PRKCH: variants seen among roughly 807,000 people sequenced by gnomAD.
The protein encoded by PRKCH is protein kinase C eta type.
In PRKCH, 28 loss-of-function variants were observed where a neutral mutation model predicts 82.5. The observed-to-expected ratio is 0.34, with a 90% CI of 0.25 to 0.47. The LOEUF (loss-of-function observed/expected upper bound fraction) is 0.47, where lower values mean the gene tolerates loss of function less well. Among genes scored for constraint, PRKCH ranks in the 20% least tolerant of loss-of-function variants. The pLI is 1.00. For synonymous variants in PRKCH, 322 were observed against 327.4 expected (o/e 0.98, Z 0.18); for missense variants, 705 against 881.8 (o/e 0.80, Z 2.54).
chr14:61,195,803 G>A (rs1455758977), intron 1 of PRKCH, among the ~76,000 whole-genome samples: 2 of 152,242 alleles, frequency 1.3e-5, no homozygotes, highest in Admixed American at 6.5e-5. Context: ...AGGAGAGAGA[G>A]AGAGCAAACT....
intron 1 of PRKCH, among the ~76,000 whole-genome samples, chr14:61,262,048 C>T (rs1043701517): frequency 2.0e-5 from 3 of 151,690 alleles, no homozygotes; most frequent in Non-Finnish European, 4.4e-5. Context: ...GGTGAAACCC[C>T]ATCTCTACTA....
intron 10 of PRKCH, among the ~76,000 whole-genome samples, chr14:61,518,294 T>G (rs2042854747): frequency 6.6e-6 from 1 of 152,094 alleles, no homozygotes; most frequent in Admixed American, 6.5e-5. Context: ...CTGAGCATTT[T>G]GGCAAGGAGA....
intron 2 of PRKCH, among the ~76,000 whole-genome samples, chr14:61,427,223 G>A (rs4902056): frequency 0.57 from 86,195 of 151,780 alleles, 26,360 homozygotes; most frequent in Non-Finnish European, 0.69. Context: ...CTTATTGGCA[G>A]TTAGTTGAAA....
At chr14:61,244,061 G>A (rs139668475) in intron 1 of PRKCH, among the ~76,000 whole-genome samples, 6 of 152,274 alleles carry the variant, frequency 3.9e-5, no homozygotes, top group East Asian at 1.9e-4. Context: ...TTGGGGCAAC[G>A]GAGCATGCTG....
intron 2 of PRKCH, among the ~76,000 whole-genome samples, chr14:61,412,165 A>G (rs181789168): frequency 6.6e-6 from 1 of 152,252 alleles, no homozygotes; most frequent in Admixed American, 6.5e-5. Flanking sequence ...TACCAGATGT[A>G]CAAAGAAGCA....
At chr14:61,244,140 G>A (rs1466563374) in intron 1 of PRKCH, among the ~76,000 whole-genome samples, 1 of 152,106 alleles carries the variant, frequency 6.6e-6, no homozygotes, top group Non-Finnish European at 1.5e-5. Flanking sequence ...AGGGAGTTGA[G>A]GCATGAGACC....
At chr14:61,352,679 A>AGAAAGGAAAG (rs1555378067) in intron 1 of PRKCH, among the ~76,000 whole-genome samples, 3 of 121,010 alleles carry the variant, frequency 2.5e-5, no homozygotes, top group East Asian at 4.3e-4. Flanking sequence ...AGAGAGAGAG[A>AGAAAGGAAAG]GAAAGGAAAG....
intron 2 of PRKCH, among the ~76,000 whole-genome samples, chr14:61,394,643 A>G (rs1257781549): frequency 2.0e-5 from 3 of 152,104 alleles, no homozygotes; most frequent in Non-Finnish European, 4.4e-5. Flanking sequence ...AGCCATGCCA[A>G]CTCTCTAGGA....
chr14:61,530,284 A>G (rs761868063), intron 11 of PRKCH, 123 bp from the exon 12 acceptor site: 3 of 1,069,560 alleles, frequency 2.8e-6, no homozygotes, highest in Non-Finnish European at 3.9e-6. Flanking sequence ...TACGCTTGCT[A>G]GCACAGGAGA....
intron 1 of PRKCH, among the ~76,000 whole-genome samples, chr14:61,243,496 A>G (rs1959662): frequency 0.86 from 131,222 of 151,930 alleles, 57,218 homozygotes; most frequent in Non-Finnish European, 0.93. Context: ...TGAGGCATAC[A>G]GTATATTTAA....
chr14:61,471,594 G>A lies in PRKCH; in HGVS notation c.1279-13908G>A, dbSNP rs8021836. 6.5e-3 allele frequency among the ~76,000 whole-genome samples: 989 copies of A among 151,562 alleles called. 10 individuals are homozygous for A. Among genetic ancestry groups the A allele is most frequent in the African/African-American group, 0.023 (944 of 41,302 alleles). ...CTTCCACATTGCTCAGAACTTTGCC[G>A]TCACCTTCTTGACCCTCACCAACAG... On this transcript the variant is annotated intron_variant, in intron 9 of 13. Transcript: ENST00000332981.
At chr14:61,388,810 G>A (rs868564144) in intron 1 of PRKCH, among the ~76,000 whole-genome samples, 2 of 152,168 alleles carry the variant, frequency 1.3e-5, no homozygotes, top group South Asian at 2.1e-4. Flanking sequence ...GTTAACAGTA[G>A]TCATGATGCA....
rs530744901 is a variant in PRKCH, at chr14:61,405,187, C to T, written c.427+13899C>T. Among the ~76,000 whole-genome samples the T allele has an allele frequency of 1.1e-4, 16 of 152,268 alleles. No homozygotes were observed. In the South Asian group the frequency reaches 3.1e-3, roughly 30 times the overall value. On this transcript the variant is annotated intron_variant, in intron 2 of 13. Coordinates refer to ENST00000332981, the MANE Select transcript of PRKCH (RefSeq NM_006255.5). ...TTTTTGTTCTAAGCCAAATTAGGAG[C>T]CAATCCCCAGCTTAATAAGCATTAA... is the stretch of plus-strand genomic sequence containing the variant.
At chr14:61,210,911 A>C (rs1308602855) in intron 1 of PRKCH, among the ~76,000 whole-genome samples, 1 of 152,144 alleles carries the variant, frequency 6.6e-6, no homozygotes, top group Non-Finnish European at 1.5e-5. Flanking sequence ...GGATTAGACC[A>C]CATGCAATTG....
At chr14:61,199,128 GAA>G (rs2044461122) in intron 1 of PRKCH, among the ~76,000 whole-genome samples, 1 of 152,072 alleles carries the variant, frequency 6.6e-6, no homozygotes, top group Admixed American at 6.6e-5. Flanking sequence ...ACTAATAACT[GAA>G]ACTTTCCAAA....
chr14:61,528,644 G>A (rs894373750), intron 10 of PRKCH, among the ~76,000 whole-genome samples: 1 of 152,164 alleles, frequency 6.6e-6, no homozygotes, highest in Non-Finnish European at 1.5e-5. Context: ...TGTACTCCTA[G>A]TGCCTGTCAC....
chr14:61,497,377 T>G (rs1044398067), intron 10 of PRKCH, among the ~76,000 whole-genome samples: 6 of 152,150 alleles, frequency 3.9e-5, no homozygotes, highest in Non-Finnish European at 1.5e-5. Context: ...ATGTAAAGCC[T>G]TTAGCCCAGA....
chr14:61,402,673 C>A (rs926518174), intron 2 of PRKCH, among the ~76,000 whole-genome samples: 1 of 151,996 alleles, frequency 6.6e-6, no homozygotes, highest in African/African-American at 2.4e-5. Flanking sequence ...GTGGTGCGTG[C>A]CTGTAATCCC....
At chr14:61,505,532 C>A (rs573716787) in intron 10 of PRKCH, among the ~76,000 whole-genome samples, 5 of 151,272 alleles carry the variant, frequency 3.3e-5, no homozygotes, top group Non-Finnish European at 7.4e-5. Context: ...TGTGCCACCA[C>A]GCCTGGCCAA....
Sources: gnomAD v4.1 joint callset for allele counts (sites outside exome capture counted in the v4.1 genomes callset) on GRCh38, gnomAD v4.1.1 for gene constraint, MANE v1.5 for transcripts, NCBI Gene and HGNC (gene_info 2026-07-23, HGNC 2026-07-21) for gene names.